CAMTA1: variants seen among roughly 807,000 people sequenced by gnomAD.
CAMTA1 encodes calmodulin binding transcription activator 1.
Under a neutral mutation model 170.9 loss-of-function variants are expected in CAMTA1, and 27 were observed. That is an observed-to-expected ratio of 0.16 (90% confidence interval 0.12 to 0.22). CAMTA1 has a LOEUF of 0.22. CAMTA1 is among the 10% of genes least tolerant of loss of function. The pLI, the probability that CAMTA1 is intolerant of heterozygous loss-of-function variation, is 1.00. For missense variants in CAMTA1, 1,619 were observed against 2,217.2 expected, an observed-to-expected ratio of 0.73 and a Z score of 5.42; for synonymous variants, 833 against 891.5, an observed-to-expected ratio of 0.93 and a Z score of 1.17.
At chr1:7,177,383 C>T (rs1396545764) in intron 4 of CAMTA1, among the ~76,000 whole-genome samples, 1 of 150,996 alleles carries the variant, frequency 6.6e-6, no homozygotes. Context: ...AATGCCTCTC[C>T]CCCAACACAG....
At chr1:6,870,781 A>G (rs1161050389) in intron 3 of CAMTA1, among the ~76,000 whole-genome samples, 1 of 152,236 alleles carries the variant, frequency 6.6e-6, no homozygotes, top group East Asian at 1.9e-4. Context: ...TCTGCTGTCT[A>G]GTAAGCACTA....
intron 1 of CAMTA1, among the ~76,000 whole-genome samples, chr1:6,804,765 A>C (rs1345386530): frequency 6.6e-6 from 1 of 152,176 alleles, no homozygotes; most frequent in South Asian, 2.1e-4. Flanking sequence ...CCATGTTGCC[A>C]GGCTGGTCTT....
At chr1:7,505,335 G>A (rs188934533) in intron 6 of CAMTA1, among the ~76,000 whole-genome samples, 157 of 152,280 alleles carry the variant, frequency 1.0e-3, no homozygotes, top group East Asian at 4.3e-3. Context: ...CAAGCACTGC[G>A]GTCACTGAGT....
intron 6 of CAMTA1, among the ~76,000 whole-genome samples, chr1:7,545,088 A>T (rs1281910468): frequency 6.6e-6 from 1 of 152,172 alleles, no homozygotes; most frequent in Admixed American, 6.5e-5. Flanking sequence ...GTGGTCATTC[A>T]TGCCTCATTT....
At chr1:7,340,959 C>G (rs1276948309) in intron 5 of CAMTA1, among the ~76,000 whole-genome samples, 1 of 152,182 alleles carries the variant, frequency 6.6e-6, no homozygotes, top group Non-Finnish European at 1.5e-5. Flanking sequence ...ATTCATAAGC[C>G]TAGGCTGTAT....
At chr1:6,786,877 C>T (rs1639550679) in intron 1 of CAMTA1, among the ~76,000 whole-genome samples, 1 of 152,194 alleles carries the variant, frequency 6.6e-6, no homozygotes, top group Admixed American at 6.5e-5. Flanking sequence ...GCTCCTGTGT[C>T]TGAGGAAGAC....
intron 6 of CAMTA1, among the ~76,000 whole-genome samples, chr1:7,518,270 C>T (rs1331006034): frequency 6.6e-6 from 1 of 152,060 alleles, no homozygotes; most frequent in Non-Finnish European, 1.5e-5. Flanking sequence ...AGAAGCCCCT[C>T]CCGGAGGTGT....
chr1:7,648,739 C>T (rs954512368), intron 7 of CAMTA1, among the ~76,000 whole-genome samples: 1 of 152,214 alleles, frequency 6.6e-6, no homozygotes, highest in South Asian at 2.1e-4. Flanking sequence ...GACAATGGTT[C>T]CCCCTCAGAA....
At chr1:6,967,630 G>A (rs1357208894) in intron 3 of CAMTA1, among the ~76,000 whole-genome samples, 1 of 152,182 alleles carries the variant, frequency 6.6e-6, no homozygotes, top group Admixed American at 6.5e-5. Flanking sequence ...CCTCACATCC[G>A]CTCCTCTCCA....
rs376130789 is a variant in CAMTA1, at chr1:7,663,450, G to C, written c.903G>C (p.Ser301=). 6.3e-7 allele frequency: 1 copy of C among 1,584,818 alleles called. No individual in the cohort carries two copies. Among genetic ancestry groups the C allele is most frequent in the Non-Finnish European group, 8.6e-7 (1 of 1,160,082 alleles). The change falls in exon 9 of 23, where the codon TCG becomes TCC. Residue 301 remains serine, a synonymous_variant. Coordinates refer to ENST00000303635, the MANE Select transcript of CAMTA1 (RefSeq NM_015215.4). ...GGACAGGGGGGTACGGGAGCCACTC[G>C]GAGGTGCAGCACAATGACGTGTCGG... ...EPRTGGYGSH[S]EVQHNDVSEG...
intron 5 of CAMTA1, among the ~76,000 whole-genome samples, chr1:7,311,873 GC>G (rs1198008795): frequency 2.0e-5 from 3 of 152,134 alleles, no homozygotes; most frequent in East Asian, 3.9e-4. Context: ...CCATACAGTG[GC>G]CAGTCTGGGG....
intron 11 of CAMTA1, among the ~76,000 whole-genome samples, chr1:7,727,727 A>G (rs1000597899): frequency 6.6e-6 from 1 of 152,268 alleles, no homozygotes; most frequent in Non-Finnish European, 1.5e-5. Flanking sequence ...AATATTTCAC[A>G]GTGTTTTAAT....
chr1:7,028,513 C>G (rs1702314153), intron 3 of CAMTA1, among the ~76,000 whole-genome samples: 2 of 152,158 alleles, frequency 1.3e-5, no homozygotes, highest in Non-Finnish European at 2.9e-5. Flanking sequence ...ATTTGATTTC[C>G]TGCATGTTCT....
At chr1:7,209,392 CTG>C (rs760890733) in intron 4 of CAMTA1, among the ~76,000 whole-genome samples, 5 of 152,150 alleles carry the variant, frequency 3.3e-5, no homozygotes, top group Non-Finnish European at 5.9e-5. Context: ...TTAGAGATAA[CTG>C]TTGATCTATT....
chr1:7,145,714 G>C (rs1296701443), intron 4 of CAMTA1, among the ~76,000 whole-genome samples: 2 of 152,248 alleles, frequency 1.3e-5, no homozygotes, highest in African/African-American at 4.8e-5. Context: ...CCATGAGTCT[G>C]TGAGCACAGA....
chr1:6,870,925 G>A (rs562388334), intron 3 of CAMTA1, among the ~76,000 whole-genome samples: 3 of 152,298 alleles, frequency 2.0e-5, no homozygotes, highest in Admixed American at 2.0e-4. Flanking sequence ...AAATTATTTA[G>A]TATAACCATT....
intron 4 of CAMTA1, among the ~76,000 whole-genome samples, chr1:7,109,878 C>G (rs570164647): frequency 2.0e-5 from 3 of 152,242 alleles, no homozygotes; most frequent in East Asian, 3.9e-4. Flanking sequence ...GAGGAGCACT[C>G]GGGGTCTGAA....
chr1:6,897,759 G>A (rs1168077796), intron 3 of CAMTA1, among the ~76,000 whole-genome samples: 2 of 152,204 alleles, frequency 1.3e-5, no homozygotes, highest in Admixed American at 6.5e-5. Context: ...GAAGAAGTGG[G>A]ATTGGCACTT....
chr1:7,619,789 A>T (rs1258794786), intron 6 of CAMTA1, among the ~76,000 whole-genome samples: 1 of 151,886 alleles, frequency 6.6e-6, no homozygotes, highest in African/African-American at 2.4e-5. Flanking sequence ...AGCTGGGATT[A>T]TAGGCAAGTG....
Sources: allele counts gnomAD v4.1 joint callset (sites outside exome capture counted in the v4.1 genomes callset), GRCh38; gene constraint gnomAD v4.1.1; transcripts MANE v1.5; gene names NCBI Gene and HGNC (gene_info 2026-07-23, HGNC 2026-07-21).